FUT9: variants seen among roughly 807,000 people sequenced by gnomAD.
FUT9 encodes the protein 4-galactosyl-N-acetylglucosaminide 3-alpha-L-fucosyltransferase 9.
FUT9 carries 15 observed loss-of-function variants against 29.7 expected under a neutral mutation model. That is an observed-to-expected ratio of 0.51 (90% CI 0.34 to 0.78). The LOEUF is 0.78. Ranked by LOEUF, FUT9 falls within the 30% of genes least tolerant of loss-of-function variation. The pLI, the probability that FUT9 is intolerant of heterozygous loss-of-function variation, is 0.01. For missense variants in FUT9, 319 were observed against 425.4 expected, an observed-to-expected ratio of 0.75 and a Z score of 2.20; for synonymous variants, 169 against 153.7, an observed-to-expected ratio of 1.10 and a Z score of -0.74.
intron 1 of FUT9, among the ~76,000 whole-genome samples, chr6:96,071,798 T>C (rs1456586906): frequency 6.6e-6 from 1 of 151,594 alleles, no homozygotes; most frequent in Non-Finnish European, 1.5e-5. Context: ...AATTAAAATT[T>C]AAGTTTTTTT....
At chr6:96,147,321 C>T (rs1187587546) in intron 2 of FUT9, among the ~76,000 whole-genome samples, 3 of 151,898 alleles carry the variant, frequency 2.0e-5, no homozygotes, top group Non-Finnish European at 2.9e-5. Context: ...CCACCATACC[C>T]GGCTAATTTT....
intron 1 of FUT9, among the ~76,000 whole-genome samples, chr6:96,069,173 G>T (rs1771010845): frequency 6.6e-6 from 1 of 152,042 alleles, no homozygotes; most frequent in South Asian, 2.1e-4. Context: ...AAATTAGCTG[G>T]GCATGGTGGC....
chr6:96,183,351 G>A (rs1435235462), intron 2 of FUT9, among the ~76,000 whole-genome samples: 1 of 152,000 alleles, frequency 6.6e-6, no homozygotes, highest in African/African-American at 2.4e-5. Context: ...TTCTGGAGGA[G>A]TCTTTAGGGT....
intron 2 of FUT9, among the ~76,000 whole-genome samples, chr6:96,129,144 A>T (rs1224449136): frequency 6.6e-6 from 1 of 151,018 alleles, no homozygotes; most frequent in African/African-American, 2.4e-5. Context: ...GGGCGCCTGT[A>T]GTCCCAGCTA....
In FUT9 at chr6:96,203,217, G is replaced by A. The variant is rs772959618; in HGVS notation, c.62G>A (p.Cys21Tyr). Residue 21 changes from cysteine to tyrosine, a missense_variant, in exon 3 of 3, where the codon TGT (cysteine) becomes TAT (tyrosine). Physicochemically the swap from Cys to Tyr is radical, Grantham distance 194. Coordinates refer to ENST00000302103, the MANE Select transcript of FUT9 (RefSeq NM_006581.4). ...PFLIVCIILG[C>Y]FMACLLIYIK... ...TTAATTGTCTGCATTATCCTGGGCT[G>A]TTTCATGGCATGTCTTCTCATTTAC... is the stretch of plus-strand genomic sequence containing the variant. The A allele has an allele frequency of 6.2e-7, 1 of 1,613,028 alleles. No individual in the cohort carries two copies. The highest frequency in any genetic ancestry group is 8.5e-7 in the Non-Finnish European group (1 of 1,179,106).
chr6:96,190,751 G>A (rs144099834), intron 2 of FUT9, among the ~76,000 whole-genome samples: 228 of 152,126 alleles, frequency 1.5e-3, no homozygotes, highest in African/African-American at 4.8e-3. Flanking sequence ...ATGGTTTTCC[G>A]CTCCATCAGG....
intron 1 of FUT9, among the ~76,000 whole-genome samples, chr6:96,104,098 AT>A (rs1474025494): frequency 6.6e-6 from 1 of 152,230 alleles, no homozygotes; most frequent in East Asian, 1.9e-4. Flanking sequence ...AAAGAAGTTT[AT>A]AACACAAATG....
At position 96,209,057 on chromosome 6, in the gene FUT9, A is replaced by G. The variant is rs773402778; in HGVS notation, c.*4822A>G. On this transcript the variant is annotated 3_prime_UTR_variant, in exon 3 of 3. Transcript: ENST00000302103. ...AAACAGTTAACAGAATCTAAATAAG[A>G]TATAGCCGGCTAAATCTGGAATGTG... The G allele has an allele frequency of 6.0e-6, 1 of 166,852 alleles. No homozygotes were observed. Among genetic ancestry groups the G allele is most frequent in the East Asian group, 1.9e-4 (1 of 5,182 alleles). 10.3% of individuals were successfully genotyped at this position (166,852 alleles called of 1,614,324 possible). A position where few individuals can be genotyped will look rare whatever the true frequency, so the allele number is the denominator to read the frequency against.
intron 1 of FUT9, among the ~76,000 whole-genome samples, chr6:96,062,534 GT>G (rs899083734): frequency 5.3e-5 from 8 of 151,920 alleles, no homozygotes; most frequent in South Asian, 2.1e-4. Flanking sequence ...CTAATATTAT[GT>G]TTTTTTCCCC....
chr6:96,041,710 T>C (rs1295415336), intron 1 of FUT9, among the ~76,000 whole-genome samples: 1 of 152,232 alleles, frequency 6.6e-6, no homozygotes, highest in Non-Finnish European at 1.5e-5. Context: ...CTAAGTGTTT[T>C]TATTTTCCCT....
intron 1 of FUT9, among the ~76,000 whole-genome samples, chr6:96,028,781 A>G (rs1770210724): frequency 6.6e-6 from 1 of 151,686 alleles, no homozygotes; most frequent in Non-Finnish European, 1.5e-5. Flanking sequence ...TGCAGGAAGA[A>G]GCATATAATG....
chr6:96,123,052 C>G (rs912810528), intron 2 of FUT9, among the ~76,000 whole-genome samples: 2 of 99,142 alleles, frequency 2.0e-5, no homozygotes, highest in African/African-American at 8.5e-5. Context: ...AGCCGCGAGA[C>G]TCAGTCTCAA....
chr6:96,019,137 C>A (rs1582409047), intron 1 of FUT9, among the ~76,000 whole-genome samples: 1 of 151,528 alleles, frequency 6.6e-6, no homozygotes, highest in Non-Finnish European at 1.5e-5. Context: ...TTTGTGTAAT[C>A]CAATTGATGA....
chr6:96,029,688 AAAACG>A (rs1770227817), intron 1 of FUT9, among the ~76,000 whole-genome samples: 1 of 151,700 alleles, frequency 6.6e-6, no homozygotes, highest in Admixed American at 6.6e-5. Context: ...TAAAGAAAGA[AAAACG>A]ATTGTCAAAA....
At chr6:96,085,038 A>G (rs1355604894) in intron 1 of FUT9, among the ~76,000 whole-genome samples, 2 of 152,160 alleles carry the variant, frequency 1.3e-5, no homozygotes, top group Non-Finnish European at 2.9e-5. Flanking sequence ...GACTATTTGA[A>G]AGGACTTATC....
chr6:96,098,907 T>C lies in FUT9; in HGVS notation c.-97-15132T>C, dbSNP rs867184958. Among the ~76,000 whole-genome samples, 12 of 152,268 alleles carry C rather than the reference T, an allele frequency of 7.9e-5. No individual in the cohort carries two copies. In the Middle Eastern group the frequency reaches 0.014, roughly 173 times the overall value. ...AACTTTTCCCTGAGATACTGTTGTA[T>C]ACACCTCCTTTGTGCTCTCATAAAA... On this transcript the variant is annotated intron_variant, in intron 1 of 2. Transcript: ENST00000302103.
chr6:96,060,831 C>A (rs1682136163), intron 1 of FUT9, among the ~76,000 whole-genome samples: 1 of 152,182 alleles, frequency 6.6e-6, no homozygotes, highest in African/African-American at 2.4e-5. Flanking sequence ...AGCCATGGCA[C>A]CTGGCCAGCA....
At chr6:96,113,075 GT>G (rs11294883) in intron 1 of FUT9, among the ~76,000 whole-genome samples, 138,799 of 152,080 alleles carry the variant, frequency 0.91, 64,361 homozygotes, top group East Asian at 1. Context: ...TTTTTTGTTT[GT>G]TTTTTTGTGA....
intron 1 of FUT9, among the ~76,000 whole-genome samples, chr6:96,091,440 T>C (rs993693528): frequency 7.9e-5 from 12 of 152,100 alleles, no homozygotes; most frequent in Non-Finnish European, 1.8e-4. Flanking sequence ...TTCATTATCA[T>C]ATCTTGGATC....
Sources: allele counts gnomAD v4.1 joint callset (sites outside exome capture counted in the v4.1 genomes callset), GRCh38; gene constraint gnomAD v4.1.1; transcripts MANE v1.5; gene names NCBI Gene and HGNC (gene_info 2026-07-23, HGNC 2026-07-21).